Variants in THAP7 observed in about 807,000 individuals in gnomAD.
THAP7 encodes the protein THAP domain-containing protein 7.
THAP7 carries 22 observed loss-of-function variants against 29.2 expected under a neutral mutation model. That is an observed-to-expected ratio of 0.75 (90% CI 0.54 to 1.08). The LOEUF is 1.08. Among genes scored for constraint, THAP7 ranks in the 50% least tolerant of loss-of-function variants. THAP7 has a pLI of 0.00. For synonymous variants in THAP7, 208 were observed against 173.4 expected (o/e 1.20, Z -1.57); for missense variants, 448 against 416.2 (o/e 1.08, Z -0.66).
rs780055919 is a variant in THAP7 at position 20,999,984 on chromosome 22, G to T, written c.826C>A (p.Gln276Lys). The T allele has an allele frequency of 2.5e-6, 4 of 1,612,816 alleles. No individual in the cohort carries two copies. Among genetic ancestry groups the T allele is most frequent in the Middle Eastern group, 3.3e-4 (2 of 6,058 alleles). Reference protein sequence around the residue: ...QRLRLRLTKLQQERAREKRAQ... With the variant: ...QRLRLRLTKLKQERAREKRAQ... ...CGCTTCTCCCGTGCCCGCTCCTGCT[G>T]CAGCTTGGTCAGTCTCAACCGCAGC... Residue 276 changes from glutamine to lysine, a missense_variant, in exon 4 of 4, where the codon CAG becomes AAG. Coordinates refer to ENST00000215742, the MANE Select transcript of THAP7 (RefSeq NM_030573.3).
In THAP7 at chr22:21,000,756, G is replaced by C; in HGVS notation, c.268C>G (p.Pro90Ala). The stretch of plus-strand genomic sequence containing the variant: ...TTGGAGAAAGACTCAAATATGGTGG[G>C]GACTGCCCCCTCCTTTAGCCTGTGA... ...GYHRLKEGAV[P>A]TIFESFSKLR... is the part of the protein sequence containing the mutation. The change falls in exon 3 of 4, where the codon CCC becomes GCC. Residue 90 changes from proline to alanine, a missense_variant. By Grantham distance (27) the Pro-to-Ala change is conservative (BLOSUM62 -1). Transcript: ENST00000215742. 1 of 1,614,172 alleles carries C rather than the reference G, an allele frequency of 6.2e-7. No individual in the cohort carries two copies.
Position 20,999,693 on chromosome 22 carries a change from G to A in THAP7, c.*187C>T, listed in dbSNP as rs1043434140. 3.1e-4 allele frequency: 207 copies of A among 673,256 alleles called. 3 individuals carry two copies. In the South Asian group the frequency reaches 3.9e-3, roughly 13 times the overall value. The allele number at this position is 673,256 out of a possible 1,614,324, so 41.7% of individuals were successfully genotyped here. A position where few individuals can be genotyped will look rare whatever the true frequency, so the allele number is the denominator to read the frequency against. On this transcript the variant is annotated 3_prime_UTR_variant, in exon 4 of 4. Transcript: ENST00000215742. ...CAAAGAGCTTGGACTGAGCCCTCTA[G>A]GAGCTGCAGCCACTGTCTGGGGCAG... is the stretch of plus-strand genomic sequence containing the variant.
rs1250580825 is a variant in THAP7 at position 21,002,073 on chromosome 22, C to G, written c.-162G>C. ...CCCAGCCGATTCTCTTGACTTCTGT[C>G]AGCGGCACTCACGCTCTGGCCATTG... On this transcript the variant is annotated 5_prime_UTR_variant, in exon 1 of 4. Transcript: ENST00000215742. The G allele has an allele frequency of 4.6e-6, 3 of 645,762 alleles. No individual in the cohort carries two copies. The highest frequency in any genetic ancestry group is 7.6e-6 in the Non-Finnish European group (3 of 395,972). 40.0% of individuals were successfully genotyped at this position (645,762 alleles called of 1,614,324 possible).
At chr22:21,001,690 G>A (rs1156373694) in intron 1 of THAP7, 142 bp downstream of exon 1, 8 of 1,037,998 alleles carry the variant, frequency 7.7e-6, no homozygotes, top group Non-Finnish European at 9.5e-6. Context: ...AGTCCCGCCG[G>A]GACCGTTCCG....
chr22:21,000,418 C>G lies in THAP7; in HGVS notation c.392G>C (p.Arg131Pro), dbSNP rs755408769. 78 of 1,551,106 alleles carry G rather than the reference C, an allele frequency of 5.0e-5. No homozygotes were observed. The highest frequency in any genetic ancestry group is 3.5e-6 in the Non-Finnish European group (4 of 1,148,706). Residue 131 changes from arginine (R) to proline (P), a missense_variant, in exon 4 of 4, where the codon CGA (arginine) becomes CCA (proline). Coordinates refer to ENST00000215742, the MANE Select transcript of THAP7 (RefSeq NM_030573.3). The stretch of plus-strand genomic sequence containing the variant: ...TGGAGAAAATGGAGTTGTGGGCCCT[C>G]GGCCCTCGGAGCAGCTGGTAAGGGG... ...RRCRKRCSEG[R>P]GPTTPFSPPP...
rs772671316 is a variant in THAP7 at position 20,999,586 on chromosome 22, C to T, written c.*294G>A. On this transcript the variant is annotated 3_prime_UTR_variant, in exon 4 of 4. Transcript: ENST00000215742. ...CCCCTTCAGAGAACCCTGTGGGGCA[C>T]GGAGCTGCGCTAGCAGGGCTGACTG... is the stretch of plus-strand genomic sequence containing the variant. The T allele has an allele frequency of 2.8e-5, 12 of 430,634 alleles. No homozygotes were observed. Among genetic ancestry groups the T allele is most frequent in the African/African-American group, 1.0e-4 (5 of 50,140 alleles). The allele number at this position is 430,634 out of a possible 1,614,324, so 26.7% of individuals were successfully genotyped here.
chr22:21,000,115 T>C lies in THAP7; in HGVS notation c.695A>G (p.Tyr232Cys). The change falls in exon 4 of 4, where the codon TAC becomes TGC. Residue 232 changes from tyrosine (Y) to cysteine (C), a missense_variant. Physicochemically the swap from Tyr to Cys is radical, Grantham distance 194. Transcript: ENST00000215742. ...CCAGAGTAAGGCGCTGCCCACCTGG[T>C]AGCTGTGTTCATTCTGGATGTAGGC... ...AGAYIQNEHS[Y>C]QVGSALLWKR... 1.2e-6 allele frequency: 2 copies of C among 1,611,308 alleles called. No homozygotes were observed. Among genetic ancestry groups the C allele is most frequent in the Middle Eastern group, 1.7e-4 (1 of 6,058 alleles).
chr22:21,000,895 A>G, intron 2 of THAP7, 108 bp from the exon 3 acceptor site: 1 of 1,536,302 alleles, frequency 6.5e-7, no homozygotes, highest in South Asian at 1.2e-5. Context: ...CGTGCAAACA[A>G]TACGTCTGGG....
In THAP7 at chr22:21,001,394, T is replaced by C. The variant is rs755936711; in HGVS notation, c.98A>G (p.Asn33Ser). 5.6e-6 allele frequency: 9 copies of C among 1,613,726 alleles called. No homozygotes were observed. In the South Asian group the frequency reaches 6.6e-5, roughly 12 times the overall value. ...GGCCAGCCACAAGCCTCGCCTCGGGTTGTCCTTCTTGGGAAGTCTGTGGAG... is the reference window on the plus strand; with the variant it reads ...GGCCAGCCACAAGCCTCGCCTCGGGCTGTCCTTCTTGGGAAGTCTGTGGAG... ...ISFHRLPKKD[N>S]PRRGLWLANC... Residue 33 changes from asparagine to serine, a missense_variant, in exon 2 of 4, where the codon AAC becomes AGC. Coordinates refer to ENST00000215742, the MANE Select transcript of THAP7 (RefSeq NM_030573.3).
At position 21,000,257 on chromosome 22, in the gene THAP7, G is replaced by T; in HGVS notation, c.553C>A (p.Gln185Lys). 1 of 1,557,100 alleles carries T rather than the reference G, an allele frequency of 6.4e-7. No homozygotes were observed. Among genetic ancestry groups the T allele is most frequent in the Non-Finnish European group, 8.7e-7 (1 of 1,150,086 alleles). ...FSDLLGPLGAQADEAGCSAQP... is the reference protein window; with the variant it reads ...FSDLLGPLGAKADEAGCSAQP... Reference sequence around the variant, plus strand: ...GCGCTGCAGCCTGCTTCATCTGCCTGGGCACCCAAGGGGCCCAGTAGGTCT... The same window carrying T: ...GCGCTGCAGCCTGCTTCATCTGCCTTGGCACCCAAGGGGCCCAGTAGGTCT... The change falls in exon 4 of 4, where the codon CAG becomes AAG. Residue 185 changes from glutamine (Q) to lysine (K), a missense_variant. By Grantham distance (53) the Gln-to-Lys change is moderately conservative. Transcript: ENST00000215742.
At position 20,999,595 on chromosome 22, in the gene THAP7, G is replaced by A. The variant is rs374664770; in HGVS notation, c.*285C>T. 9 of 472,532 alleles carry A rather than the reference G, an allele frequency of 1.9e-5. No individual in the cohort carries two copies. The highest frequency in any genetic ancestry group is 7.8e-5 in the South Asian group (3 of 38,590). The allele number at this position is 472,532 out of a possible 1,614,324, so 29.3% of individuals were successfully genotyped here. A position where few individuals can be genotyped will look rare whatever the true frequency, so the allele number is the denominator to read the frequency against. ...AGAACCCTGTGGGGCACGGAGCTGC[G>A]CTAGCAGGGCTGACTGCCACCTGTC... On this transcript the variant is annotated 3_prime_UTR_variant, in exon 4 of 4. Transcript: ENST00000215742.
Position 21,000,084 on chromosome 22 carries a change from C to A in THAP7, c.726G>T (p.Arg242=), listed in dbSNP as rs1209780900. Residue 242 remains arginine, a synonymous_variant, in exon 4 of 4, where the codon CGG becomes CGT. Coordinates refer to ENST00000215742, the MANE Select transcript of THAP7 (RefSeq NM_030573.3). ...YQVGSALLWK[R]RAEAALDALD... is the part of the protein sequence containing the mutation. Reference sequence around the variant, plus strand: ...GGGCATCAAGGGCTGCCTCGGCTCGCCGCTTCCAGAGTAAGGCGCTGCCCA... The same window carrying A: ...GGGCATCAAGGGCTGCCTCGGCTCGACGCTTCCAGAGTAAGGCGCTGCCCA... The A allele has an allele frequency of 6.2e-7, 1 of 1,612,676 alleles. No individual in the cohort carries two copies. The highest frequency in any genetic ancestry group is 8.5e-7 in the Non-Finnish European group (1 of 1,179,926).
Position 21,000,709 on chromosome 22 carries a change from G to C in THAP7, c.315C>G (p.Thr105=). Residue 105 remains threonine, a synonymous_variant, in exon 3 of 4, where the codon ACC becomes ACG. Coordinates refer to ENST00000215742, the MANE Select transcript of THAP7 (RefSeq NM_030573.3). The part of the protein sequence containing the change: ...SFSKLRRTTK[T]KGHSYPPGPA... ...GGCCAGGTGGGTAACTGTGTCCTTTGGTCTTGGTTGTCCGGCGCAACTTGG... is the reference window on the plus strand; with the variant it reads ...GGCCAGGTGGGTAACTGTGTCCTTTCGTCTTGGTTGTCCGGCGCAACTTGG... 1 of 1,614,188 alleles carries C rather than the reference G, an allele frequency of 6.2e-7. No individual in the cohort carries two copies. Among genetic ancestry groups the C allele is most frequent in the Non-Finnish European group, 8.5e-7 (1 of 1,180,034 alleles).
chr22:21,000,855 G>C, intron 2 of THAP7, 68 bp from the exon 3 acceptor site: 1 of 1,601,622 alleles, frequency 6.2e-7, no homozygotes, highest in Non-Finnish European at 8.5e-7. Context: ...TCTGCCCCCA[G>C]CAGCAGCGCC....
At position 21,001,346 on chromosome 22, in the gene THAP7, C is replaced by T. The variant is rs1186390857; in HGVS notation, c.146G>A (p.Ser49Asn). The T allele has an allele frequency of 6.2e-7, 1 of 1,613,704 alleles. No homozygotes were observed. The highest frequency in any genetic ancestry group is 1.3e-5 in the African/African-American group (1 of 74,952). Reference protein sequence around the residue: ...WLANCQRLDPSGQGLWDPASE... With the variant: ...WLANCQRLDPNGQGLWDPASE... ...TGCCGGGTCCCACAGGCCCTGGCCG[C>T]TGGGGTCCAGCCGCTGGCAGTTGGC... Residue 49 changes from serine (S) to asparagine (N), a missense_variant, in exon 2 of 4, where the codon AGC becomes AAC. Coordinates refer to ENST00000215742, the MANE Select transcript of THAP7 (RefSeq NM_030573.3).
intron 2 of THAP7, 63 bp downstream of exon 2, chr22:21,001,193 A>T: frequency 1.3e-6 from 2 of 1,593,674 alleles, no homozygotes; most frequent in South Asian, 2.2e-5. Context: ...CATGACCTGC[A>T]GCTGTCCCAG....
Position 21,001,253 on chromosome 22 carries a change from C to T in THAP7, c.236+3G>A. ...CCCAGCGTCGGCCGGCAGGGAGGCCCACCTGATTCCCACCAGCTCAAAGCA... is the reference window on the plus strand; with the variant it reads ...CCCAGCGTCGGCCGGCAGGGAGGCCTACCTGATTCCCACCAGCTCAAAGCA... On this transcript the variant is annotated splice_donor_region_variant and intron_variant, in intron 2 of 3. Coordinates refer to ENST00000215742, the MANE Select transcript of THAP7 (RefSeq NM_030573.3). 2 of 1,611,850 alleles carry T rather than the reference C, an allele frequency of 1.2e-6. No individual in the cohort carries two copies. Among genetic ancestry groups the T allele is most frequent in the Non-Finnish European group, 1.7e-6 (2 of 1,178,224 alleles).
rs1925196195 is a variant in THAP7, at chr22:21,001,921, A to C, written c.-10T>G. On this transcript the variant is annotated 5_prime_UTR_variant, in exon 1 of 4. Transcript: ENST00000215742. ...AGCAGTGACGCGGCATCTGGGAAAGAGGCGGGAGTTAAGTCGCAAGCGGCT... is the reference window on the plus strand; with the variant it reads ...AGCAGTGACGCGGCATCTGGGAAAGCGGCGGGAGTTAAGTCGCAAGCGGCT... 2 of 1,558,002 alleles carry C rather than the reference A, an allele frequency of 1.3e-6. No homozygotes were observed. Among genetic ancestry groups the C allele is most frequent in the Non-Finnish European group, 1.7e-6 (2 of 1,153,028 alleles).
rs562516712 is a variant in THAP7 at position 20,999,912 on chromosome 22, A to G, written c.898T>C (p.Phe300Leu). 11 of 1,610,692 alleles carry G rather than the reference A, an allele frequency of 6.8e-6. No individual in the cohort carries two copies. In the South Asian group the frequency reaches 1.2e-4, roughly 18 times the overall value. ...ATGCTGCTGCTCAGCTGCATGGCAA[A>G]GTCCTGCACATGCTCCTTCAGAGTC... ...RQTLKEHVQD[F>L]AMQLSSSMA Residue 300 changes from phenylalanine to leucine, a missense_variant, in exon 4 of 4, where the codon TTT (phenylalanine) becomes CTT (leucine). Transcript: ENST00000215742.
Sources: gnomAD v4.1 joint callset for allele counts on GRCh38, gnomAD v4.1.1 for gene constraint, MANE v1.5 for transcripts, NCBI Gene and HGNC (gene_info 2026-07-23, HGNC 2026-07-21) for gene names.